PAK5: variants seen among roughly 807,000 people sequenced by gnomAD.
The protein encoded by PAK5 is serine/threonine-protein kinase PAK 5.
PAK5 carries 16 observed loss-of-function variants against 65.9 expected under a neutral mutation model. The ratio of observed to expected loss-of-function variants is 0.24; its 90% CI spans 0.16 to 0.37. The LOEUF is 0.37. PAK5 is among the 10% of genes least tolerant of loss of function. The probability of loss-of-function intolerance (pLI) is 1.00; values close to 1 mark genes in which losing one functional copy is unlikely to be tolerated. For missense variants in PAK5, 785 were observed against 903.9 expected, an observed-to-expected ratio of 0.87 and a Z score of 1.69; for synonymous variants, 371 against 354.9, an observed-to-expected ratio of 1.05 and a Z score of -0.51.
chr20:9,619,116 T>C (rs1004886468), intron 3 of PAK5, among the ~76,000 whole-genome samples: 1 of 151,360 alleles, frequency 6.6e-6, no homozygotes, highest in Non-Finnish European at 1.5e-5. Flanking sequence ...AGAAACAGGG[T>C]TTCGCCTTGT....
chr20:9,565,811 TA>T, intron 5 of PAK5, 81 bp downstream of exon 5: 1 of 1,375,318 alleles, frequency 7.3e-7, no homozygotes, highest in Non-Finnish European at 1.0e-6. Flanking sequence ...TCTAATGTCC[TA>T]AAATGTACAT....
chr20:9,730,636 G>A (rs1226867063), intron 1 of PAK5, among the ~76,000 whole-genome samples: 2 of 152,204 alleles, frequency 1.3e-5, no homozygotes, highest in East Asian at 3.9e-4. Flanking sequence ...AACTGGAGAA[G>A]CTATGATGAT....
rs1329609349 is a variant in PAK5, at chr20:9,766,361, ATATATATATTCAAGCAGAATATATATG to A, written c.-161-54953_-161-54927del. The stretch of plus-strand genomic sequence containing the variant: ...ATATATATTCTACTTACTTGAATAT[ATATATATATTCAAGCAGAATATATATG>A]TATATATATATTCAAGCAGAATATA... On this transcript the variant is annotated intron_variant, in intron 1 of 9. Coordinates refer to ENST00000353224, the MANE Select transcript of PAK5 (RefSeq NM_177990.4). Among the ~76,000 whole-genome samples the A allele has an allele frequency of 8.4e-3, 974 of 116,444 alleles. 162 individuals carry two copies. The highest frequency in any genetic ancestry group is 0.01 in the Non-Finnish European group (612 of 58,366). The allele number at this position is 116,444 out of a possible 152,430, so 76.4% of individuals were successfully genotyped here.
intron 1 of PAK5, among the ~76,000 whole-genome samples, chr20:9,778,095 A>G (rs943067013): frequency 6.6e-6 from 1 of 152,216 alleles, no homozygotes; most frequent in Non-Finnish European, 1.5e-5. Flanking sequence ...AAAGAACACT[A>G]CTTGTGTTTA....
At chr20:9,818,415 C>T (rs6087032) in intron 1 of PAK5, among the ~76,000 whole-genome samples, 60,551 of 151,986 alleles carry the variant, frequency 0.4, 12,294 homozygotes, top group Admixed American at 0.49. Context: ...TCTCATTGCT[C>T]GGTCCCTCTA....
At chr20:9,706,509 T>C (rs1221656219) in intron 2 of PAK5, among the ~76,000 whole-genome samples, 1 of 151,200 alleles carries the variant, frequency 6.6e-6, no homozygotes, top group African/African-American at 2.4e-5. Flanking sequence ...CAGGGTGTGT[T>C]GCTCTGTTTC....
intron 3 of PAK5, among the ~76,000 whole-genome samples, chr20:9,601,421 C>T (rs6140978): frequency 0.25 from 37,547 of 151,978 alleles, 5,395 homozygotes; most frequent in East Asian, 0.5. Flanking sequence ...TCTTTATGTG[C>T]TATCATCTGT....
intron 1 of PAK5, among the ~76,000 whole-genome samples, chr20:9,832,028 T>C (rs1262046154): frequency 6.6e-6 from 1 of 152,130 alleles, no homozygotes; most frequent in African/African-American, 2.4e-5. Context: ...CACGTCATTA[T>C]ATAATCTTCA....
At chr20:9,721,814 C>G (rs1331722781) in intron 1 of PAK5, among the ~76,000 whole-genome samples, 1 of 151,886 alleles carries the variant, frequency 6.6e-6, no homozygotes, top group African/African-American at 2.4e-5. Flanking sequence ...TAAAAGCTTT[C>G]CAGGTAAAGG....
intron 9 of PAK5, among the ~76,000 whole-genome samples, chr20:9,541,006 G>A (rs994026854): frequency 6.6e-6 from 1 of 152,158 alleles, no homozygotes; most frequent in African/African-American, 2.4e-5. Flanking sequence ...AGAGTGCTGG[G>A]ATTACAGGCG....
intron 3 of PAK5, among the ~76,000 whole-genome samples, chr20:9,609,748 AT>A (rs2046523752): frequency 6.6e-6 from 1 of 152,228 alleles, no homozygotes; most frequent in African/African-American, 2.4e-5. Context: ...AATTTTAGGA[AT>A]TTGGAAACTT....
At chr20:9,581,611 C>T (rs1454807459) in intron 3 of PAK5, among the ~76,000 whole-genome samples, 1 of 152,100 alleles carries the variant, frequency 6.6e-6, no homozygotes, top group Non-Finnish European at 1.5e-5. Flanking sequence ...TTTGTTATGG[C>T]CACACTTCTG....
chr20:9,721,877 A>C (rs964310703), intron 1 of PAK5, among the ~76,000 whole-genome samples: 2 of 152,042 alleles, frequency 1.3e-5, no homozygotes, highest in South Asian at 2.1e-4. Context: ...GAAGCAATAG[A>C]CTTTAATATT....
intron 1 of PAK5, among the ~76,000 whole-genome samples, chr20:9,760,438 T>C (rs2048685398): frequency 6.6e-6 from 1 of 152,040 alleles, no homozygotes; most frequent in Non-Finnish European, 1.5e-5. Context: ...AATCTTCCGT[T>C]CTCCCATTTG....
At chr20:9,796,527 C>T (rs62192916) in intron 1 of PAK5, among the ~76,000 whole-genome samples, 8,717 of 152,096 alleles carry the variant, frequency 0.057, 357 homozygotes, top group South Asian at 0.2. Context: ...TTGTAAGATG[C>T]TAAATGAAAA....
chr20:9,818,354 G>A (rs561676981), intron 1 of PAK5, among the ~76,000 whole-genome samples: 1 of 152,208 alleles, frequency 6.6e-6, no homozygotes, highest in Admixed American at 6.5e-5. Context: ...AATTACTACT[G>A]GTCCATGCTG....
chr20:9,800,608 C>T (rs1252591706), intron 1 of PAK5, among the ~76,000 whole-genome samples: 1 of 151,972 alleles, frequency 6.6e-6, no homozygotes, highest in Non-Finnish European at 1.5e-5. Flanking sequence ...TACAATAATG[C>T]AGTTCATTGT....
Position 9,838,915 on chromosome 20 carries a change from G to A in PAK5, c.-315C>T, listed in dbSNP as rs113658361. ...GGGGGGCGGGGGCCAGCGGGAGGGG[G>A]TGAGAGGCAGAGCCACAGCTTTCTA... On this transcript the variant is annotated 5_prime_UTR_variant, in exon 1 of 10. Coordinates refer to ENST00000353224, the MANE Select transcript of PAK5 (RefSeq NM_177990.4). This position sits in a 1 kb window ranked among gnomAD's most constrained non-coding sequence, Gnocchi z 4.5. 5,479 of 152,308 alleles carry A rather than the reference G, an allele frequency of 0.036. 156 individuals are homozygous for A. The highest frequency in any genetic ancestry group is 0.051 in the Non-Finnish European group (3,505 of 68,096). The allele number at this position is 152,308 out of a possible 1,614,324, so 9.4% of individuals were successfully genotyped here. A position where few individuals can be genotyped will look rare whatever the true frequency, so the allele number is the denominator to read the frequency against.
At chr20:9,633,714 A>G (rs533968705) in intron 3 of PAK5, among the ~76,000 whole-genome samples, 2 of 152,276 alleles carry the variant, frequency 1.3e-5, no homozygotes, top group East Asian at 1.9e-4. Flanking sequence ...ACTCACAGGA[A>G]CCCTCAGTAT....
Sources: allele counts gnomAD v4.1 joint callset (sites outside exome capture counted in the v4.1 genomes callset), GRCh38; gene constraint gnomAD v4.1.1; non-coding constraint Gnocchi (gnomAD v3.1); transcripts MANE v1.5; gene names NCBI Gene and HGNC (gene_info 2026-07-23, HGNC 2026-07-21).